Variants in CTPS1 observed in about 807,000 individuals in gnomAD.
CTPS1 encodes the protein CTP synthetase 1.
A neutral mutation model predicts 80.5 loss-of-function variants in CTPS1; 25 were observed. The ratio of observed to expected loss-of-function variants is 0.31; its 90% CI spans 0.23 to 0.43. The LOEUF is 0.43. CTPS1 is among the 20% of genes least tolerant of loss of function. The probability of loss-of-function intolerance (pLI) is 1.00; values close to 1 mark genes in which losing one functional copy is unlikely to be tolerated. For synonymous variants in CTPS1, 267 were observed against 252.5 expected (o/e 1.06, Z -0.54); for missense variants, 442 against 725.7 (o/e 0.61, Z 4.49).
intron 7 of CTPS1, among the ~76,000 whole-genome samples, chr1:40,992,555 C>T (rs1266892181): frequency 6.6e-6 from 1 of 151,916 alleles, no homozygotes; most frequent in African/African-American, 2.4e-5. Flanking sequence ...AAGTGTGGTG[C>T]TTAGTATGGA....
Position 41,007,837 on chromosome 1 carries a change from T to G in CTPS1, c.1393+292T>G, listed in dbSNP as rs974883852. On this transcript the variant is annotated intron_variant, in intron 14 of 18. Coordinates refer to ENST00000650070, the MANE Select transcript of CTPS1 (RefSeq NM_001905.4). This position sits in a 1 kb window ranked among gnomAD's most constrained non-coding sequence, Gnocchi z 4.4. ...TCATCCTTATCGGTTACTTTCCTATTAAGACCAGCCATATCAATTGCTGAT... is the reference window on the plus strand; with the variant it reads ...TCATCCTTATCGGTTACTTTCCTATGAAGACCAGCCATATCAATTGCTGAT... Among the ~76,000 whole-genome samples the G allele has an allele frequency of 3.4e-4, 52 of 152,136 alleles. No individual in the cohort carries two copies. The highest frequency in any genetic ancestry group is 1.2e-3 in the African/African-American group (51 of 41,420).
chr1:40,992,174 C>T (rs991697566), intron 7 of CTPS1, among the ~76,000 whole-genome samples: 1 of 152,234 alleles, frequency 6.6e-6, no homozygotes, highest in Non-Finnish European at 1.5e-5. Flanking sequence ...TTCCTGTTGG[C>T]TTGGCAGTCT....
chr1:40,991,665 C>T, intron 6 of CTPS1, 100 bp from the exon 7 acceptor site: 1 of 762,926 alleles, frequency 1.3e-6, no homozygotes. Flanking sequence ...CGTTTTCGTT[C>T]ATCTTAACAA....
intron 1 of CTPS1, among the ~76,000 whole-genome samples, chr1:40,982,256 C>T (rs771286434): frequency 2.0e-5 from 3 of 152,186 alleles, no homozygotes; most frequent in African/African-American, 4.8e-5. Context: ...CTCTTTGAGT[C>T]CTCTGCCCGT....
intron 12 of CTPS1, among the ~76,000 whole-genome samples, chr1:41,003,634 A>T (rs1364518122): frequency 3.9e-5 from 6 of 152,258 alleles, no homozygotes; most frequent in Non-Finnish European, 1.5e-5. Context: ...TGGGAGTAAT[A>T]AAGGTACGTA....
chr1:40,998,325 G>A (rs768571638), intron 9 of CTPS1, among the ~76,000 whole-genome samples: 17 of 151,426 alleles, frequency 1.1e-4, no homozygotes, highest in Middle Eastern at 3.2e-3. Context: ...TTGAACCTGG[G>A]AGGTGGAGGT....
chr1:41,008,543 C>T (rs984781241), intron 14 of CTPS1, 116 bp from the exon 15 acceptor site: 14 of 1,046,690 alleles, frequency 1.3e-5, no homozygotes, highest in Admixed American at 7.2e-5. Flanking sequence ...TAGAAATAGC[C>T]CTCAAAAGAC....
chr1:41,011,021 C>T (rs1643158193), intron 18 of CTPS1, among the ~76,000 whole-genome samples: 4 of 152,168 alleles, frequency 2.6e-5, no homozygotes, highest in Admixed American at 1.3e-4. Context: ...CGCTCCTGCC[C>T]TAAGGCCTGG....
chr1:40,995,611 C>G (rs913906733), intron 7 of CTPS1, among the ~76,000 whole-genome samples: 1 of 152,094 alleles, frequency 6.6e-6, no homozygotes, highest in Non-Finnish European at 1.5e-5. Context: ...ATTGCCCAGT[C>G]TGGTCTTGAA....
In CTPS1 at chr1:40,997,411, A is replaced by G; in HGVS notation, c.890A>G (p.Glu297Gly). The G allele has an allele frequency of 6.2e-7, 1 of 1,613,416 alleles. No individual in the cohort carries two copies. The highest frequency in any genetic ancestry group is 8.5e-7 in the Non-Finnish European group (1 of 1,179,832). ...EMADRYDRLL[E>G]TCSIALVGKY... is the part of the protein sequence containing the mutation. ...TTTGATAGATATGATCGCTTGCTGG[A>G]GACCTGCTCTATTGCCCTTGTGGGC... Residue 297 changes from glutamate (E) to glycine (G), a missense_variant, in exon 9 of 19, where the codon GAG becomes GGG. Glu to Gly is a moderately conservative substitution (Grantham distance 98, BLOSUM62 -2). Transcript: ENST00000650070.
intron 9 of CTPS1, among the ~76,000 whole-genome samples, chr1:40,999,554 G>T (rs1031790864): frequency 6.6e-6 from 1 of 152,166 alleles, no homozygotes; most frequent in African/African-American, 2.4e-5. Context: ...CCCCTAGAGC[G>T]GCTGAGTGTT....
chr1:41,000,121 A>G (rs1296046083), intron 9 of CTPS1, among the ~76,000 whole-genome samples: 1 of 152,270 alleles, frequency 6.6e-6, no homozygotes, highest in African/African-American at 2.4e-5. Flanking sequence ...ATGATGTTCT[A>G]TAAGAGGCAA....
At chr1:40,981,657 C>T (rs940430742) in intron 1 of CTPS1, among the ~76,000 whole-genome samples, 2 of 152,154 alleles carry the variant, frequency 1.3e-5, no homozygotes, top group Non-Finnish European at 2.9e-5. Flanking sequence ...CTAAACACTC[C>T]CAGGATTCTT....
chr1:40,982,010 T>C (rs1316748738), intron 1 of CTPS1: 3 of 1,289,054 alleles, frequency 2.3e-6, no homozygotes, highest in South Asian at 1.2e-5. Context: ...CATTTTCTGC[T>C]ACTTTCTAAT....
At chr1:40,981,621 C>T (rs1268762098) in intron 1 of CTPS1, among the ~76,000 whole-genome samples, 1 of 152,170 alleles carries the variant, frequency 6.6e-6, no homozygotes, top group Non-Finnish European at 1.5e-5. Context: ...TACTGTATAG[C>T]AGTGATCACA....
chr1:40,993,537 A>G (rs867097995), intron 7 of CTPS1, among the ~76,000 whole-genome samples: 22 of 151,916 alleles, frequency 1.4e-4, no homozygotes, highest in Admixed American at 2.0e-4. Flanking sequence ...AGGTCTTGCT[A>G]TGGTTGCCCA....
chr1:41,001,008 C>A, intron 9 of CTPS1, 21 bp from the exon 10 acceptor site: 1 of 1,547,206 alleles, frequency 6.5e-7, no homozygotes, highest in Non-Finnish European at 8.8e-7. Flanking sequence ...TGCTTTTCTC[C>A]CCTGTCTGAA....
chr1:41,007,340 G>A lies in CTPS1; in HGVS notation c.1297-109G>A. On this transcript the variant is annotated intron_variant, in intron 13 of 18. Transcript: ENST00000650070. The surrounding 1 kb of genome is among the most constrained non-coding windows in gnomAD (Gnocchi z 4.4). ...ACAAAATGTCTCATAAGGAAAGCCT[G>A]GAGAATTAGAGCTTACTTACAAGCC... is the stretch of plus-strand genomic sequence containing the variant. The A allele has an allele frequency of 1.1e-6, 1 of 872,776 alleles. No homozygotes were observed. The highest frequency in any genetic ancestry group is 1.8e-6 in the Non-Finnish European group (1 of 549,958). The allele number at this position is 872,776 out of a possible 1,614,324, so 54.1% of individuals were successfully genotyped here. A position where few individuals can be genotyped will look rare whatever the true frequency, so the allele number is the denominator to read the frequency against.
chr1:40,999,564 TAGAG>T (rs1453414251), intron 9 of CTPS1, among the ~76,000 whole-genome samples: 3 of 152,124 alleles, frequency 2.0e-5, no homozygotes, highest in Non-Finnish European at 1.5e-5. Context: ...GGCTGAGTGT[TAGAG>T]AGGCTGTGGA....
Sources: gnomAD v4.1 joint callset for allele counts (sites outside exome capture counted in the v4.1 genomes callset) on GRCh38, gnomAD v4.1.1 for gene constraint, Gnocchi (gnomAD v3.1) non-coding constraint, MANE v1.5 for transcripts, NCBI Gene and HGNC (gene_info 2026-07-23, HGNC 2026-07-21) for gene names.